Variants in ARHGAP30 observed in about 807,000 individuals in gnomAD.
ARHGAP30 encodes rho GTPase-activating protein 30.
In ARHGAP30, 23 loss-of-function variants were observed where a neutral mutation model predicts 72.0. That is an observed-to-expected ratio of 0.32 (90% confidence interval 0.23 to 0.45). The LOEUF is 0.45. Among genes scored for constraint, ARHGAP30 ranks in the 20% least tolerant of loss-of-function variants. The probability of loss-of-function intolerance (pLI) is 1.00; values close to 1 mark genes in which losing one functional copy is unlikely to be tolerated. For missense variants in ARHGAP30, 1,319 were observed against 1,383.4 expected (o/e 0.95, Z 0.74); for synonymous variants, 576 against 528.2 (o/e 1.09, Z -1.24).
rs1370092909 is a variant in ARHGAP30 at position 161,049,469 on chromosome 1, G to T, written c.1641C>A (p.Asp547Glu). ...GCTCCTCCAGGTAGCCCATCCCAGG[G>T]TCGTCCTCCCCAGGGGAGAAGGCTG... is the stretch of plus-strand genomic sequence containing the variant. The part of the protein sequence containing the change: ...AGAAFSPGED[D>E]PGMGYLEELL... Residue 547 changes from aspartate (D) to glutamate (E), a missense_variant, in exon 11 of 12, where the codon GAC becomes GAA. Coordinates refer to ENST00000368013, the MANE Select transcript of ARHGAP30 (RefSeq NM_001025598.2). The T allele has an allele frequency of 6.2e-7, 1 of 1,613,604 alleles. No individual in the cohort carries two copies. The highest frequency in any genetic ancestry group is 8.5e-7 in the Non-Finnish European group (1 of 1,179,894).
Position 161,069,326 on chromosome 1 carries a change from G to C in ARHGAP30, c.97+202C>G, listed in dbSNP as rs999486541. Among the ~76,000 whole-genome samples the C allele has an allele frequency of 6.6e-6, 1 of 152,036 alleles. No individual in the cohort carries two copies. Among genetic ancestry groups the C allele is most frequent in the African/African-American group, 2.4e-5 (1 of 41,388 alleles). On this transcript the variant is annotated intron_variant, in intron 1 of 11. Coordinates refer to ENST00000368013, the MANE Select transcript of ARHGAP30 (RefSeq NM_001025598.2). This position sits in a 1 kb window ranked among gnomAD's most constrained non-coding sequence, Gnocchi z 4.9. ...CCCTCAGCCACCCCATCCCCAGAAA[G>C]TTACACAAGGGAGCCGCCCTGCCTT...
intron 2 of ARHGAP30, 51 bp downstream of exon 2, chr1:161,059,563 C>T: frequency 6.6e-7 from 1 of 1,508,126 alleles, no homozygotes; most frequent in East Asian, 2.3e-5. Context: ...CTGTGACCTT[C>T]TGGCTCCCTG....
chr1:161,056,672 A>G, intron 2 of ARHGAP30, 140 bp from the exon 3 acceptor site: 2 of 888,938 alleles, frequency 2.2e-6, no homozygotes, highest in Non-Finnish European at 3.3e-6. Context: ...ACACGTACAC[A>G]TGTAAGCCAG....
At chr1:161,051,227 C>T in intron 10 of ARHGAP30, 87 bp downstream of exon 10, 6 of 1,494,522 alleles carry the variant, frequency 4.0e-6, no homozygotes, top group Non-Finnish European at 5.3e-6. Context: ...GGCCTCTGCC[C>T]TTCCTAGGGT....
Position 161,069,594 on chromosome 1 carries a change from CCTT to C in ARHGAP30, c.28_30del (p.Lys10del), listed in dbSNP as rs775704930. ...CCAAAAACCCGCTCCTTTGCGCTGC[CCTT>C]CTTCTTTCCTTTCTGCCGAGACTTC... On this transcript the variant is annotated inframe_deletion, in exon 1 of 12. Transcript: ENST00000368013. This position sits in a 1 kb window ranked among gnomAD's most constrained non-coding sequence, Gnocchi z 4.9. 5.6e-6 allele frequency: 9 copies of C among 1,611,524 alleles called. No homozygotes were observed. The highest frequency in any genetic ancestry group is 1.1e-5 in the South Asian group (1 of 91,090).
rs767292842 is a variant in ARHGAP30 at position 161,051,705 on chromosome 1, C to T, written c.1029G>A (p.Gly343=). 9 of 1,609,058 alleles carry T rather than the reference C, an allele frequency of 5.6e-6. No individual in the cohort carries two copies. Among genetic ancestry groups the T allele is most frequent in the Non-Finnish European group, 8.5e-7 (1 of 1,178,008 alleles). The change falls in exon 10 of 12, where the codon GGG becomes GGA. Residue 343 remains glycine, a synonymous_variant. Coordinates refer to ENST00000368013, the MANE Select transcript of ARHGAP30 (RefSeq NM_001025598.2). ...GCCGGGGGCTGCTGGGCCCCACCAGCCCCTCTGGCTCTGTGGAGGAAAAAG... is the reference window on the plus strand; with the variant it reads ...GCCGGGGGCTGCTGGGCCCCACCAGTCCCTCTGGCTCTGTGGAGGAAAAAG... ...AAAGASDEPE[G]LVGPSSPRPS...
At chr1:161,052,047 ACC>A (rs1651438070) in intron 9 of ARHGAP30, among the ~76,000 whole-genome samples, 3 of 15,048 alleles carry the variant, frequency 2.0e-4, no homozygotes, top group African/African-American at 6.6e-4. Context: ...CACCACCACC[ACC>A]ACCACCACCA....
In ARHGAP30 at chr1:161,052,441, C is replaced by A. The variant is rs551221429; in HGVS notation, c.939G>T (p.Arg313Ser). 1 of 1,613,956 alleles carries A rather than the reference C, an allele frequency of 6.2e-7. No homozygotes were observed. The highest frequency in any genetic ancestry group is 8.5e-7 in the Non-Finnish European group (1 of 1,180,016). The change falls in exon 8 of 12, where the codon AGG (arginine) becomes AGT (serine). Residue 313 changes from arginine to serine, a missense_variant and splice_region_variant. Physicochemically the swap from Arg to Ser is moderately radical, Grantham distance 110. Around this residue, in one of 2 missense-constraint regions of ARHGAP30, gnomAD observed 1,097 missense variants for 1,045.2 expected, o/e 1.05. Coordinates refer to ENST00000368013, the MANE Select transcript of ARHGAP30 (RefSeq NM_001025598.2). ...KRKLPRGAED[R>S]EDKSNKGTLR... is the part of the protein sequence containing the mutation. ...CTCCCCCCATCTCCCCAGACTTACC[C>A]CTGTCCTCAGCCCCCCGTGGAAGTT...
chr1:161,068,851 G>A (rs1652950781), intron 1 of ARHGAP30, among the ~76,000 whole-genome samples: 1 of 152,100 alleles, frequency 6.6e-6, no homozygotes, highest in African/African-American at 2.4e-5. Context: ...CCAGCTTCAA[G>A]CCAGGCCTCA....
intron 3 of ARHGAP30, among the ~76,000 whole-genome samples, chr1:161,055,804 T>TAAAATAATAAAATAAAATAA (rs1553217874): frequency 1.4e-3 from 62 of 45,060 alleles, no homozygotes; most frequent in Admixed American, 2.3e-3. Flanking sequence ...TAAAATAAAA[T>TAAAATAATAAAATAAAATAA]AATAAAATAA....
At chr1:161,052,044 AC>A (rs1557921085) in intron 9 of ARHGAP30, among the ~76,000 whole-genome samples, 1,605 of 20,676 alleles carry the variant, frequency 0.078, 468 homozygotes, top group Middle Eastern at 0.13. Context: ...CACCACCACC[AC>A]CACCACCACC....
intron 1 of ARHGAP30, among the ~76,000 whole-genome samples, chr1:161,060,716 T>A (rs1652252490): frequency 6.7e-6 from 1 of 148,774 alleles, no homozygotes; most frequent in African/African-American, 2.5e-5. Context: ...TTTTTTTTTT[T>A]TTTGAGACGG....
At chr1:161,055,557 A>C (rs1257834729) in intron 3 of ARHGAP30, among the ~76,000 whole-genome samples, 1 of 152,086 alleles carries the variant, frequency 6.6e-6, no homozygotes, top group African/African-American at 2.4e-5. Context: ...TGGGAGGCTG[A>C]GGTGGGTGAA....
intron 10 of ARHGAP30, 122 bp from the exon 11 acceptor site, chr1:161,049,811 T>G: frequency 7.6e-7 from 1 of 1,321,774 alleles, no homozygotes; most frequent in Non-Finnish European, 1.0e-6. Flanking sequence ...TCTGCATGAC[T>G]GATCCTTTCA....
intron 1 of ARHGAP30, among the ~76,000 whole-genome samples, chr1:161,064,843 AAGAAAGGAAAGGAAGGAG>A (rs1652636936): frequency 1.2e-5 from 1 of 80,742 alleles, no homozygotes; most frequent in East Asian, 4.4e-4. Context: ...GAAAGAAAGA[AAGAAAGGAAAGGAAGGAG>A]AGGAAGGAGA....
intron 2 of ARHGAP30, among the ~76,000 whole-genome samples, chr1:161,057,515 G>A (rs1027586193): frequency 2.0e-5 from 3 of 152,140 alleles, no homozygotes; most frequent in African/African-American, 4.8e-5. Context: ...GCTCATGCCT[G>A]TAATCCCCAC....
Position 161,048,311 on chromosome 1 carries a change from G to A in ARHGAP30, c.2710C>T (p.Pro904Ser). The A allele has an allele frequency of 6.2e-7, 1 of 1,614,182 alleles. No individual in the cohort carries two copies. The highest frequency in any genetic ancestry group is 8.5e-7 in the Non-Finnish European group (1 of 1,180,022). Residue 904 changes from proline (P) to serine (S), a missense_variant, in exon 12 of 12, where the codon CCC becomes TCC. This residue lies in a region of ARHGAP30 where 1,097 missense variants were observed against 1,045.2 expected (regional missense o/e 1.05). Coordinates refer to ENST00000368013, the MANE Select transcript of ARHGAP30 (RefSeq NM_001025598.2). ...GGGCATAGACAGCCGTCTGGACTGG[G>A]CTGCCCCTCAGGCTCCATCTCCTCT... is the stretch of plus-strand genomic sequence containing the variant. ...QPEEMEPEGQ[P>S]SPDGCLCPCS...
intron 1 of ARHGAP30, among the ~76,000 whole-genome samples, chr1:161,063,005 T>C (rs112682779): frequency 4.7e-4 from 72 of 152,128 alleles, no homozygotes; most frequent in Middle Eastern, 3.4e-3. Context: ...GTAGAGTCGG[T>C]GTTTCCCCAT....
chr1:161,068,922 C>T (rs1652956199), intron 1 of ARHGAP30, among the ~76,000 whole-genome samples: 1 of 152,134 alleles, frequency 6.6e-6, no homozygotes, highest in African/African-American at 2.4e-5. Context: ...CACTTTGAAC[C>T]TGTTTCTCTT....
Sources: allele counts gnomAD v4.1 joint callset (sites outside exome capture counted in the v4.1 genomes callset), GRCh38; gene constraint gnomAD v4.1.1; regional missense constraint gnomAD v4.1.1; non-coding constraint Gnocchi (gnomAD v3.1); transcripts MANE v1.5; gene names NCBI Gene and HGNC (gene_info 2026-07-23, HGNC 2026-07-21).